PCCA: variants seen among roughly 807,000 people sequenced by gnomAD.
PCCA encodes the protein propionyl-CoA carboxylase alpha chain, mitochondrial.
In PCCA, 74 loss-of-function variants were observed where a neutral mutation model predicts 101.3. That is an observed-to-expected ratio of 0.73 (90% CI 0.61 to 0.89). PCCA has a LOEUF of 0.89. PCCA is among the 40% of genes least tolerant of loss of function. PCCA has a pLI of 0.00. For synonymous variants in PCCA, 294 were observed against 313.6 expected, an observed-to-expected ratio of 0.94 and a Z score of 0.66; for missense variants, 891 against 907.0, an observed-to-expected ratio of 0.98 and a Z score of 0.23.
chr13:100,400,087 A>G (rs1213816015), intron 19 of PCCA, among the ~76,000 whole-genome samples: 1 of 152,240 alleles, frequency 6.6e-6, no homozygotes, highest in Non-Finnish European at 1.5e-5. Flanking sequence ...TTGCTTCTTA[A>G]TAGTCTTGGA....
intron 19 of PCCA, among the ~76,000 whole-genome samples, chr13:100,386,604 A>G (rs1423160813): frequency 6.6e-6 from 1 of 152,132 alleles, no homozygotes; most frequent in African/African-American, 2.4e-5. Context: ...GATGGTCTCC[A>G]TCTCCTGACG....
chr13:100,330,820 A>T (rs1309200512), intron 17 of PCCA, 149 bp downstream of exon 17: 3 of 630,470 alleles, frequency 4.8e-6, no homozygotes, highest in Non-Finnish European at 5.6e-6. Context: ...TACATTCATG[A>T]TTTTGAGTAT....
chr13:100,333,732 G>T (rs1015074336), intron 17 of PCCA, among the ~76,000 whole-genome samples: 3 of 152,146 alleles, frequency 2.0e-5, no homozygotes, highest in African/African-American at 7.2e-5. Flanking sequence ...CCCATCGAAA[G>T]AAATTGTCAG....
intron 19 of PCCA, among the ~76,000 whole-genome samples, chr13:100,421,300 C>T (rs1003590602): frequency 6.6e-6 from 1 of 152,142 alleles, no homozygotes; most frequent in Non-Finnish European, 1.5e-5. Context: ...CCCTTTCATA[C>T]CTGTTCCTCA....
intron 21 of PCCA, among the ~76,000 whole-genome samples, chr13:100,463,969 T>C (rs1475455255): frequency 2.0e-5 from 3 of 152,236 alleles, no homozygotes; most frequent in Non-Finnish European, 4.4e-5. Context: ...ATCTTCAAAG[T>C]AAAATTAATA....
chr13:100,258,505 T>C (rs1008223820), intron 9 of PCCA, among the ~76,000 whole-genome samples: 3 of 152,240 alleles, frequency 2.0e-5, no homozygotes, highest in Non-Finnish European at 4.4e-5. Flanking sequence ...CTCATTGTTT[T>C]TCTGTTTTGC....
intron 21 of PCCA, among the ~76,000 whole-genome samples, chr13:100,511,272 C>CA (rs1566485853): frequency 6.6e-6 from 1 of 152,180 alleles, no homozygotes; most frequent in Admixed American, 6.5e-5. Flanking sequence ...ACTTTAAAAA[C>CA]ACTGACACTG....
intron 18 of PCCA, among the ~76,000 whole-genome samples, chr13:100,348,820 C>CTCTT (rs2072812528): frequency 1.8e-5 from 1 of 56,922 alleles, no homozygotes; most frequent in Non-Finnish European, 3.5e-5. Context: ...TCCTTCCTTT[C>CTCTT]TTTCTTTTCT....
At chr13:100,147,974 G>A (rs1295088751) in intron 4 of PCCA, among the ~76,000 whole-genome samples, 2 of 151,830 alleles carry the variant, frequency 1.3e-5, no homozygotes, top group Admixed American at 1.3e-4. Flanking sequence ...TTACAGATGG[G>A]GTCACACTGT....
rs199964949 is a variant in PCCA, at chr13:100,446,330, CCT to C, written c.1846-2921_1846-2920del. On this transcript the variant is annotated intron_variant, in intron 20 of 23. Coordinates refer to ENST00000376285, the MANE Select transcript of PCCA (RefSeq NM_000282.4). ...CAGGCATGAGCCACCGCACCCTGCC[CCT>C]GTTTGTTTTTAAATATCCAGCTTTA... Among the ~76,000 whole-genome samples, 460 of 152,214 alleles carry C rather than the reference CCT, an allele frequency of 3.0e-3. 4 individuals are homozygous for C. Among genetic ancestry groups the C allele is most frequent in the African/African-American group, 0.011 (449 of 41,540 alleles).
chr13:100,520,273 C>T (rs1204540572), intron 22 of PCCA, among the ~76,000 whole-genome samples: 2 of 152,190 alleles, frequency 1.3e-5, no homozygotes, highest in African/African-American at 4.8e-5. Flanking sequence ...TCATTCCTGT[C>T]CTGTCTTCTT....
chr13:100,132,816 G>T (rs7324860), intron 4 of PCCA, among the ~76,000 whole-genome samples: 135,886 of 152,042 alleles, frequency 0.89, 60,792 homozygotes, highest in East Asian at 0.99. Flanking sequence ...CTCTGTCACC[G>T]GGGCTAGAGT....
chr13:100,262,105 T>C (rs2152564110), intron 9 of PCCA, among the ~76,000 whole-genome samples: 1 of 152,214 alleles, frequency 6.6e-6, no homozygotes, highest in Non-Finnish European at 1.5e-5. Flanking sequence ...TAAAATATCA[T>C]ATTTAGGCTG....
intron 19 of PCCA, among the ~76,000 whole-genome samples, chr13:100,423,661 GCCCTCTA>G (rs1347104285): frequency 6.6e-6 from 1 of 152,186 alleles, no homozygotes; most frequent in Admixed American, 6.5e-5. Context: ...TTTGTCAGAG[GCCCTCTA>G]CCTTTAGTAG....
chr13:100,429,851 C>A (rs945331172), intron 20 of PCCA, among the ~76,000 whole-genome samples: 1 of 151,922 alleles, frequency 6.6e-6, no homozygotes, highest in Admixed American at 6.6e-5. Flanking sequence ...AGGTCATCCA[C>A]CTGCCTCAGC....
At chr13:100,422,075 TTTCTTTCTTTCTTTC>T (rs1235757589) in intron 19 of PCCA, among the ~76,000 whole-genome samples, 6 of 115,060 alleles carry the variant, frequency 5.2e-5, no homozygotes, top group African/African-American at 2.5e-4. Flanking sequence ...TTTTCTTTTC[TTTCTTTCTTTCTTTC>T]TTTCTTTCTT....
chr13:100,316,480 C>T (rs1243668745), intron 16 of PCCA, among the ~76,000 whole-genome samples: 1 of 152,110 alleles, frequency 6.6e-6, no homozygotes, highest in Non-Finnish European at 1.5e-5. Flanking sequence ...TATTTTTCAG[C>T]TTTGGATATA....
At chr13:100,398,562 GA>G (rs2077167889) in intron 19 of PCCA, among the ~76,000 whole-genome samples, 1 of 152,074 alleles carries the variant, frequency 6.6e-6, no homozygotes, top group South Asian at 2.1e-4. Context: ...GCACTGGGTG[GA>G]AAAGGGAAAA....
chr13:100,419,539 A>G (rs984554922), intron 19 of PCCA, among the ~76,000 whole-genome samples: 3 of 152,174 alleles, frequency 2.0e-5, no homozygotes, highest in Non-Finnish European at 4.4e-5. Context: ...CAGTTTTAGT[A>G]GTCAGATTAT....
Sources: allele counts gnomAD v4.1 joint callset (sites outside exome capture counted in the v4.1 genomes callset), GRCh38; gene constraint gnomAD v4.1.1; transcripts MANE v1.5; gene names NCBI Gene and HGNC (gene_info 2026-07-23, HGNC 2026-07-21).